HSF2BP: variants seen among roughly 807,000 people sequenced by gnomAD.
The protein encoded by HSF2BP is heat shock transcription factor 2 binding protein.
Under a neutral mutation model 35.0 loss-of-function variants are expected in HSF2BP, and 35 were observed. The ratio of observed to expected loss-of-function variants is 1.00; its 90% confidence interval spans 0.76 to 1.32. The LOEUF is 1.32. Among genes scored for constraint, HSF2BP ranks in the 40% most tolerant of loss-of-function variants. The pLI, the probability that HSF2BP is intolerant of heterozygous loss-of-function variation, is 0.00. For synonymous variants in HSF2BP, 114 were observed against 117.4 expected (o/e 0.97, Z 0.18); for missense variants, 326 against 321.7 (o/e 1.01, Z -0.10).
At chr21:43,617,293 G>A (rs186256249) in intron 6 of HSF2BP, among the ~76,000 whole-genome samples, 4 of 151,078 alleles carry the variant, frequency 2.6e-5, no homozygotes, top group Non-Finnish European at 4.4e-5. Context: ...CAAATGTACT[G>A]GTAAATGAAG....
intron 6 of HSF2BP, among the ~76,000 whole-genome samples, chr21:43,618,861 C>T (rs562418620): frequency 1.3e-5 from 2 of 151,000 alleles, no homozygotes; most frequent in Non-Finnish European, 1.5e-5. Context: ...AAAAGAATGG[C>T]GTGAACCCGG....
At chr21:43,602,094 T>C (rs1055439279) in intron 7 of HSF2BP, among the ~76,000 whole-genome samples, 3 of 152,228 alleles carry the variant, frequency 2.0e-5, no homozygotes, top group Admixed American at 6.5e-5. Flanking sequence ...TCACTCATCA[T>C]GCAACATTTA....
intron 6 of HSF2BP, among the ~76,000 whole-genome samples, chr21:43,621,910 G>C (rs997869684): frequency 1.3e-5 from 2 of 152,084 alleles, no homozygotes; most frequent in African/African-American, 4.8e-5. Context: ...TGCAATCCAT[G>C]CAAAACTCTA....
chr21:43,626,178 A>C (rs1262699950), intron 6 of HSF2BP, among the ~76,000 whole-genome samples: 1 of 152,198 alleles, frequency 6.6e-6, no homozygotes. Context: ...TCCACCCCGC[A>C]AGAACTATCA....
intron 3 of HSF2BP, among the ~76,000 whole-genome samples, chr21:43,652,096 T>C (rs1475009265): frequency 6.6e-6 from 1 of 152,186 alleles, no homozygotes; most frequent in Non-Finnish European, 1.5e-5. Context: ...TACCTTCAGG[T>C]TGCCTTTAGT....
intron 3 of HSF2BP, among the ~76,000 whole-genome samples, chr21:43,644,754 T>C (rs1402303209): frequency 6.6e-6 from 1 of 152,174 alleles, no homozygotes. Context: ...CGCTACTCCA[T>C]GAAAAGCAGA....
intron 8 of HSF2BP, among the ~76,000 whole-genome samples, chr21:43,587,991 A>C (rs1261333705): frequency 1.3e-5 from 2 of 152,246 alleles, no homozygotes; most frequent in East Asian, 3.8e-4. Flanking sequence ...TACTGGCTGC[A>C]AATTAGCCTA....
chr21:43,632,660 TTCCTCC>T (rs971039707), intron 5 of HSF2BP, among the ~76,000 whole-genome samples: 1 of 152,106 alleles, frequency 6.6e-6, no homozygotes, highest in African/African-American at 2.4e-5. Flanking sequence ...ACCACTCCTC[TTCCTCC>T]TCCTCTTCAG....
intron 8 of HSF2BP, among the ~76,000 whole-genome samples, chr21:43,579,277 C>T (rs766770579): frequency 2.3e-4 from 35 of 152,246 alleles, no homozygotes; most frequent in African/African-American, 1.2e-4. Flanking sequence ...GAACATTCGA[C>T]GACATCTTTT....
chr21:43,603,456 A>G (rs2082075940), intron 7 of HSF2BP, among the ~76,000 whole-genome samples: 1 of 152,188 alleles, frequency 6.6e-6, no homozygotes, highest in East Asian at 1.9e-4. Context: ...GATGAAACAG[A>G]CAGAACCCTG....
chr21:43,593,542 A>G (rs2081951991), intron 7 of HSF2BP, among the ~76,000 whole-genome samples: 1 of 152,244 alleles, frequency 6.6e-6, no homozygotes, highest in Non-Finnish European at 1.5e-5. Flanking sequence ...AGAAGTATCA[A>G]CTGCAGAATA....
intron 3 of HSF2BP, among the ~76,000 whole-genome samples, chr21:43,649,332 C>G (rs1328354662): frequency 6.6e-6 from 1 of 151,636 alleles, no homozygotes; most frequent in African/African-American, 2.4e-5. Flanking sequence ...ATTCGGGAGA[C>G]TGAGGCAGGA....
intron 8 of HSF2BP, among the ~76,000 whole-genome samples, chr21:43,584,223 T>G (rs1407219366): frequency 2.0e-5 from 3 of 151,968 alleles, no homozygotes; most frequent in African/African-American, 7.3e-5. Flanking sequence ...CTGAGGGACA[T>G]GAAGACCTGA....
chr21:43,587,682 A>G (rs909085400), intron 8 of HSF2BP, among the ~76,000 whole-genome samples: 3 of 151,388 alleles, frequency 2.0e-5, no homozygotes, highest in Middle Eastern at 3.4e-3. Flanking sequence ...AAAAAAAAAA[A>G]AAAAGGAAAG....
At chr21:43,641,686 G>A (rs561224797) in intron 4 of HSF2BP, among the ~76,000 whole-genome samples, 3 of 152,098 alleles carry the variant, frequency 2.0e-5, no homozygotes, top group East Asian at 1.9e-4. Flanking sequence ...GGTGGCTCAC[G>A]CCTGTAAACC....
intron 3 of HSF2BP, among the ~76,000 whole-genome samples, chr21:43,648,850 A>G (rs1568942036): frequency 6.6e-6 from 1 of 152,374 alleles, no homozygotes; most frequent in East Asian, 1.9e-4. Context: ...ACTGCTAAGA[A>G]TCTAAGAGTA....
chr21:43,591,666 CCA>C (rs977972341), intron 8 of HSF2BP, among the ~76,000 whole-genome samples: 85 of 152,302 alleles, frequency 5.6e-4, no homozygotes, highest in African/African-American at 1.9e-3. Flanking sequence ...CCCCTCTTAT[CCA>C]CAGTTTCACC....
chr21:43,581,760 A>C (rs1233129237), intron 8 of HSF2BP, among the ~76,000 whole-genome samples: 1 of 152,092 alleles, frequency 6.6e-6, no homozygotes, highest in African/African-American at 2.4e-5. Flanking sequence ...TGCTGTGGCC[A>C]CAGCCATATA....
intron 8 of HSF2BP, among the ~76,000 whole-genome samples, chr21:43,591,571 T>A (rs1002546806): frequency 4.6e-5 from 7 of 152,224 alleles, no homozygotes; most frequent in Admixed American, 6.5e-5. Context: ...TGACTTTTTT[T>A]AAAAGAAAGA....
Sources: allele counts gnomAD v4.1 joint callset (sites outside exome capture counted in the v4.1 genomes callset), GRCh38; gene constraint gnomAD v4.1.1; transcripts MANE v1.5; gene names NCBI Gene and HGNC (gene_info 2026-07-23, HGNC 2026-07-21).